The following SHANK2 variants were observed in gnomAD, a reference collection of about 807,000 sequenced individuals.
SHANK2 encodes SH3 and multiple ankyrin repeat domains protein 2.
A neutral mutation model predicts 133.7 loss-of-function variants in SHANK2; 43 were observed. The ratio of observed to expected loss-of-function variants is 0.32; its 90% CI spans 0.25 to 0.41. The LOEUF is 0.41. Among genes scored for constraint, SHANK2 ranks in the 10% least tolerant of loss-of-function variants. SHANK2 has a pLI of 1.00. For missense variants in SHANK2, 1,994 were observed against 2,235.8 expected (o/e 0.89, Z 2.18); for synonymous variants, 1,017 against 952.8 (o/e 1.07, Z -1.24).
intron 11 of SHANK2, among the ~76,000 whole-genome samples, chr11:70,852,613 G>C (rs1212632970): frequency 6.6e-6 from 1 of 152,250 alleles, no homozygotes; most frequent in African/African-American, 2.4e-5. Flanking sequence ...GGGAGGCCAA[G>C]GTGGGCGGAT....
intron 15 of SHANK2, among the ~76,000 whole-genome samples, chr11:70,675,662 A>G (rs964635996): frequency 2.0e-5 from 3 of 152,192 alleles, no homozygotes; most frequent in Non-Finnish European, 4.4e-5. Context: ...TTGGTGATTT[A>G]CTGTCCTGCC....
intron 11 of SHANK2, among the ~76,000 whole-genome samples, chr11:70,853,486 T>A (rs7120463): frequency 6.6e-6 from 1 of 152,180 alleles, no homozygotes; most frequent in South Asian, 2.1e-4. Context: ...GCCTTAAGCG[T>A]CTTTCTCAGT....
intron 6 of SHANK2, among the ~76,000 whole-genome samples, chr11:71,102,801 C>G (rs1951737311): frequency 6.6e-6 from 1 of 152,212 alleles, no homozygotes; most frequent in Non-Finnish European, 1.5e-5. Flanking sequence ...GAGCCCAGGC[C>G]CTGCCTCTGC....
chr11:71,140,707 T>C (rs1374099977), intron 3 of SHANK2, among the ~76,000 whole-genome samples: 1 of 152,202 alleles, frequency 6.6e-6, no homozygotes, highest in East Asian at 1.9e-4. Flanking sequence ...ACTTCACAAG[T>C]GGTGTTTGTT....
chr11:70,559,065 C>T (rs997743670), intron 17 of SHANK2, among the ~76,000 whole-genome samples: 4 of 152,192 alleles, frequency 2.6e-5, no homozygotes, highest in Non-Finnish European at 2.9e-5. Context: ...GTCATCCAGG[C>T]TGGAGTGCAG....
chr11:70,609,643 T>A (rs995419439), intron 17 of SHANK2, among the ~76,000 whole-genome samples: 11 of 152,002 alleles, frequency 7.2e-5, no homozygotes, highest in Non-Finnish European at 1.0e-4. Context: ...ATACATAATA[T>A]ATCTATATTG....
At chr11:70,783,387 G>A (rs1387103294) in intron 14 of SHANK2, among the ~76,000 whole-genome samples, 3 of 152,086 alleles carry the variant, frequency 2.0e-5, no homozygotes, top group Admixed American at 6.5e-5. Flanking sequence ...AGCGGACTAC[G>A]ACTGCCCACG....
chr11:70,574,329 T>A, intron 17 of SHANK2, among the ~76,000 whole-genome samples: 1 of 152,224 alleles, frequency 6.6e-6, no homozygotes, highest in East Asian at 1.9e-4. Context: ...CACAGGGCAC[T>A]AAATTCCCCA....
intron 4 of SHANK2, among the ~76,000 whole-genome samples, chr11:71,116,011 A>C (rs993032002): frequency 5.3e-5 from 8 of 152,208 alleles, no homozygotes; most frequent in Non-Finnish European, 1.0e-4. Flanking sequence ...TCTAAACCAC[A>C]CAACTTCCAA....
At chr11:71,066,782 C>T (rs1405431615) in intron 9 of SHANK2, among the ~76,000 whole-genome samples, 1 of 152,170 alleles carries the variant, frequency 6.6e-6, no homozygotes, top group Non-Finnish European at 1.5e-5. Flanking sequence ...GGCTGGGACG[C>T]TTGTGTCATT....
chr11:70,604,426 G>C (rs561394372), intron 17 of SHANK2: 21 of 152,686 alleles, frequency 1.4e-4, no homozygotes, highest in African/African-American at 4.6e-4. Context: ...GAATGGTTGG[G>C]ACAGTGAGTC....
rs372963914 is a variant in SHANK2 at position 70,911,356 on chromosome 11, AAAAAAAAC to A, written c.1108-14797_1108-14790del. Among the ~76,000 whole-genome samples, 999 of 151,478 alleles carry A rather than the reference AAAAAAAAC, an allele frequency of 6.6e-3. 8 individuals are homozygous for A. The highest frequency in any genetic ancestry group is 0.02 in the African/African-American group (828 of 41,108). On this transcript the variant is annotated intron_variant, in intron 10 of 25. Coordinates refer to ENST00000601538, the MANE Select transcript of SHANK2 (RefSeq NM_012309.5). Reference sequence around the variant, plus strand: ...GGGCAACATAGTGAGACTCCATCTCAAAAAAAACAAAAAAACAAAAAAACAAAAAAACA... The same window carrying A: ...GGGCAACATAGTGAGACTCCATCTCAAAAAAAACAAAAAAACAAAAAAACA...
chr11:70,789,781 T>C (rs528430568), intron 14 of SHANK2, among the ~76,000 whole-genome samples: 10 of 152,304 alleles, frequency 6.6e-5, no homozygotes, highest in African/African-American at 1.9e-4. Flanking sequence ...GGCTTTCAGG[T>C]GACCAGATCC....
intron 17 of SHANK2, among the ~76,000 whole-genome samples, chr11:70,520,270 C>T (rs555626739): frequency 1.7e-3 from 252 of 152,260 alleles, no homozygotes; most frequent in African/African-American, 5.9e-3. Context: ...TTTTACCTGA[C>T]GTCCCTTGTC....
At chr11:71,222,573 G>A (rs112835241) in intron 2 of SHANK2, among the ~76,000 whole-genome samples, 21 of 152,352 alleles carry the variant, frequency 1.4e-4, no homozygotes, top group Admixed American at 3.9e-4. Flanking sequence ...GCGCATGCAC[G>A]CCATGGTTGT....
Position 70,485,491 on chromosome 11 carries a change from G to A in SHANK2, c.4802C>T (p.Thr1601Ile). The part of the protein sequence containing the change: ...PGMAKVLQPR[T>I]SKLWGDVTEI... The stretch of plus-strand genomic sequence containing the variant: ...TGTGACGTCGCCCCACAACTTGGAG[G>A]TCCTTGGCTGGAGAACCTTGGCCAT... The change falls in exon 25 of 26, where the codon ACC (threonine) becomes ATC (isoleucine). Residue 1601 changes from threonine to isoleucine, a missense_variant. By Grantham distance (89) the Thr-to-Ile change is moderately conservative. Around this residue, in one of 5 missense-constraint regions of SHANK2, gnomAD observed 797 missense variants for 907.4 expected, o/e 0.88. Transcript: ENST00000601538. This position sits in a 1 kb window ranked among gnomAD's most constrained non-coding sequence, Gnocchi z 5.8. The A allele has an allele frequency of 6.2e-7, 1 of 1,613,818 alleles. No individual in the cohort carries two copies. The highest frequency in any genetic ancestry group is 8.5e-7 in the Non-Finnish European group (1 of 1,180,034).
intron 14 of SHANK2, among the ~76,000 whole-genome samples, chr11:70,708,575 C>T (rs1945714369): frequency 6.6e-6 from 1 of 152,184 alleles, no homozygotes; most frequent in South Asian, 2.1e-4. Flanking sequence ...GGTCAGATGT[C>T]TCCTGTGTCC....
At chr11:70,743,226 C>T (rs1449028176) in intron 14 of SHANK2, among the ~76,000 whole-genome samples, 5 of 152,220 alleles carry the variant, frequency 3.3e-5, no homozygotes, top group African/African-American at 9.6e-5. Context: ...CCAGGGGCAG[C>T]GCTCGAGCTG....
chr11:71,134,462 C>T (rs59858246), intron 3 of SHANK2, among the ~76,000 whole-genome samples: 4,387 of 132,402 alleles, frequency 0.033, 200 homozygotes, highest in African/African-American at 0.11. Context: ...TTTTTTGAGA[C>T]GGAGTCTTGC....
Sources: allele counts gnomAD v4.1 joint callset (sites outside exome capture counted in the v4.1 genomes callset), GRCh38; gene constraint gnomAD v4.1.1; regional missense constraint gnomAD v4.1.1; non-coding constraint Gnocchi (gnomAD v3.1); transcripts MANE v1.5; gene names NCBI Gene and HGNC (gene_info 2026-07-23, HGNC 2026-07-21).